NCALD: variants seen among roughly 807,000 people sequenced by gnomAD.
NCALD encodes neurocalcin-delta.
NCALD carries 10 observed loss-of-function variants against 18.6 expected under a neutral mutation model. The observed-to-expected ratio is 0.54, with a 90% CI of 0.33 to 0.91. The LOEUF (loss-of-function observed/expected upper bound fraction) is 0.91. Among genes scored for constraint, NCALD ranks in the 40% least tolerant of loss-of-function variants. NCALD has a pLI of 0.03. For missense variants in NCALD, 184 were observed against 247.6 expected, an observed-to-expected ratio of 0.74 and a Z score of 1.72; for synonymous variants, 88 against 87.4, an observed-to-expected ratio of 1.01 and a Z score of -0.04.
At chr8:101,730,443 G>T (rs1368222094) in intron 1 of NCALD, among the ~76,000 whole-genome samples, 1 of 121,984 alleles carries the variant, frequency 8.2e-6, no homozygotes, top group African/African-American at 3.4e-5. Context: ...TCGTGCCACT[G>T]CACTCCAGCC....
At chr8:101,768,769 A>C (rs1811462036) in intron 1 of NCALD, among the ~76,000 whole-genome samples, 1 of 152,098 alleles carries the variant, frequency 6.6e-6, no homozygotes, top group African/African-American at 2.4e-5. Context: ...AGAAACTTTA[A>C]AAAAAGAAGG....
chr8:102,010,508 G>A (rs759235572), intron 2 of NCALD, among the ~76,000 whole-genome samples: 3 of 152,184 alleles, frequency 2.0e-5, no homozygotes, highest in Non-Finnish European at 4.4e-5. Context: ...AGTCTTTCAT[G>A]AGGATTACAT....
chr8:101,751,433 G>A (rs1203495637), intron 1 of NCALD, among the ~76,000 whole-genome samples: 1 of 152,140 alleles, frequency 6.6e-6, no homozygotes, highest in East Asian at 1.9e-4. Context: ...GGGTAATGGT[G>A]ACAGTTATAC....
intron 2 of NCALD, among the ~76,000 whole-genome samples, chr8:102,000,392 T>G (rs928220855): frequency 1.3e-5 from 2 of 152,192 alleles, no homozygotes; most frequent in African/African-American, 2.4e-5. Flanking sequence ...AAGCTCAATC[T>G]GGGTAGAGCC....
At chr8:101,704,825 CAGA>C (rs1374001555) in intron 2 of NCALD, among the ~76,000 whole-genome samples, 2 of 151,830 alleles carry the variant, frequency 1.3e-5, no homozygotes, top group South Asian at 2.1e-4. Context: ...GAGGCTGAGG[CAGA>C]AGAATAGCTT....
intron 2 of NCALD, among the ~76,000 whole-genome samples, chr8:101,930,572 T>C (rs1818537020): frequency 6.6e-6 from 1 of 151,898 alleles, no homozygotes; most frequent in Non-Finnish European, 1.5e-5. Flanking sequence ...TCCTCCCTCG[T>C]CACCCTAAAT....
intron 1 of NCALD, among the ~76,000 whole-genome samples, chr8:101,732,590 CTTTTTTTTTTTTTTT>C (rs576286368): frequency 1.3e-4 from 7 of 53,676 alleles, no homozygotes; most frequent in Admixed American, 9.0e-4. Context: ...TTTTTCTTTG[CTTTTTTTTTTTTTTT>C]TTTTTTTTTT....
At chr8:101,704,645 G>C (rs555557959) in intron 2 of NCALD, among the ~76,000 whole-genome samples, 3 of 152,172 alleles carry the variant, frequency 2.0e-5, no homozygotes, top group Admixed American at 2.0e-4. Flanking sequence ...GGCCGGGCGC[G>C]GTGGTTCATG....
chr8:101,820,455 C>T (rs910925500), intron 4 of NCALD, among the ~76,000 whole-genome samples: 1 of 152,008 alleles, frequency 6.6e-6, no homozygotes, highest in African/African-American at 2.4e-5. Flanking sequence ...AATGAATAAA[C>T]ATACATTTTG....
At chr8:101,897,620 A>AT (rs1817249573) in intron 3 of NCALD, among the ~76,000 whole-genome samples, 1 of 152,236 alleles carries the variant, frequency 6.6e-6, no homozygotes, top group Admixed American at 6.5e-5. Flanking sequence ...GCTAGGAACA[A>AT]TTATGTACAG....
rs189746710 is a variant in NCALD, at chr8:101,961,634, T to C, written c.-156-45776A>G. ...TTTTATTGACAGGGTGTCACTATGTTGTCCAGGCTGGTCTTGAAGTCCTGA... is the reference window on the plus strand; with the variant it reads ...TTTTATTGACAGGGTGTCACTATGTCGTCCAGGCTGGTCTTGAAGTCCTGA... On this transcript the variant is annotated intron_variant, in intron 2 of 6. Coordinates refer to the NCALD transcript ENST00000311028. Among the ~76,000 whole-genome samples, 367 of 152,320 alleles carry C rather than the reference T, an allele frequency of 2.4e-3. 1 individual carries two copies. The Middle Eastern group carries it at 0.027, about 11-fold the overall frequency.
intron 4 of NCALD, among the ~76,000 whole-genome samples, chr8:101,878,244 T>C (rs1816313162): frequency 6.6e-6 from 1 of 152,262 alleles, no homozygotes; most frequent in Non-Finnish European, 1.5e-5. Context: ...GTGAGAGCTG[T>C]TATGTTCAAA....
At chr8:102,083,792 T>A (rs1168998037) in intron 1 of NCALD, among the ~76,000 whole-genome samples, 2 of 152,240 alleles carry the variant, frequency 1.3e-5, no homozygotes, top group East Asian at 3.8e-4. Flanking sequence ...CACCTAGCTG[T>A]TGCATAACTT....
chr8:101,830,827 G>A (rs1436037861), intron 4 of NCALD, among the ~76,000 whole-genome samples: 1 of 149,116 alleles, frequency 6.7e-6, no homozygotes, highest in Non-Finnish European at 1.5e-5. Context: ...TGCAAGCTCC[G>A]CCTCCCGGTT....
intron 2 of NCALD, among the ~76,000 whole-genome samples, chr8:101,694,838 C>T (rs538187559): frequency 3.3e-5 from 5 of 152,162 alleles, no homozygotes; most frequent in African/African-American, 9.6e-5. Context: ...TAGGAAAGGC[C>T]GGAGAGATGG....
chr8:101,749,371 T>A (rs1161958627), intron 1 of NCALD, among the ~76,000 whole-genome samples: 1 of 152,214 alleles, frequency 6.6e-6, no homozygotes, highest in African/African-American at 2.4e-5. Context: ...CCCATTCTAC[T>A]TTTTGAATAG....
intron 2 of NCALD, among the ~76,000 whole-genome samples, chr8:101,966,708 A>G (rs1175165674): frequency 6.6e-6 from 1 of 152,190 alleles, no homozygotes; most frequent in Non-Finnish European, 1.5e-5. Context: ...GGTATGAAGA[A>G]GCTTAAACTT....
intron 1 of NCALD, among the ~76,000 whole-genome samples, chr8:102,038,606 A>T (rs1022825609): frequency 1.3e-5 from 2 of 152,208 alleles, no homozygotes; most frequent in African/African-American, 4.8e-5. Flanking sequence ...TCACCAGAAT[A>T]GCACATGAAT....
chr8:102,006,198 G>C (rs1276665857), intron 2 of NCALD, among the ~76,000 whole-genome samples: 2 of 152,118 alleles, frequency 1.3e-5, no homozygotes, highest in Non-Finnish European at 2.9e-5. Context: ...TTAGCTGGAA[G>C]CTATGGTTTT....
Sources: gnomAD v4.1 joint callset for allele counts (sites outside exome capture counted in the v4.1 genomes callset) on GRCh38, gnomAD v4.1.1 for gene constraint, MANE v1.5 for transcripts, NCBI Gene and HGNC (gene_info 2026-07-23, HGNC 2026-07-21) for gene names.